EPB41L4A: variants seen among roughly 807,000 people sequenced by gnomAD.
EPB41L4A encodes the protein band 4.1-like protein 4A.
Under a neutral mutation model 108.6 loss-of-function variants are expected in EPB41L4A, and 100 were observed. That is an observed-to-expected ratio of 0.92 (90% CI 0.78 to 1.09). EPB41L4A has a LOEUF of 1.09. Ranked by LOEUF, EPB41L4A falls within the 50% of genes least tolerant of loss-of-function variation. The pLI is 0.00. For synonymous variants in EPB41L4A, 319 were observed against 289.0 expected, an observed-to-expected ratio of 1.10 and a Z score of -1.05; for missense variants, 1,030 against 842.7, an observed-to-expected ratio of 1.22 and a Z score of -2.75.
intron 1 of EPB41L4A, among the ~76,000 whole-genome samples, chr5:112,328,233 CA>C (rs1455365035): frequency 2.0e-5 from 3 of 152,028 alleles, no homozygotes; most frequent in African/African-American, 7.2e-5. Flanking sequence ...CACTTGAACC[CA>C]GGGGGCAGAG....
At chr5:112,268,601 G>C (rs551593774) in intron 4 of EPB41L4A, among the ~76,000 whole-genome samples, 1 of 152,116 alleles carries the variant, frequency 6.6e-6, no homozygotes, top group East Asian at 1.9e-4. Flanking sequence ...TGTAACCCCA[G>C]TATTTTGGGA....
intron 1 of EPB41L4A, among the ~76,000 whole-genome samples, chr5:112,367,378 C>A (rs1215148271): frequency 6.6e-6 from 1 of 152,196 alleles, no homozygotes; most frequent in African/African-American, 2.4e-5. Flanking sequence ...TCTCCAAGAC[C>A]TTTAATGAAG....
chr5:112,331,131 C>A (rs964591586), intron 1 of EPB41L4A, among the ~76,000 whole-genome samples: 1 of 152,176 alleles, frequency 6.6e-6, no homozygotes, highest in South Asian at 2.1e-4. Flanking sequence ...AATACTCACA[C>A]AAATTTGGAA....
At chr5:112,386,535 GTTTGT>G (rs1481963647) in intron 1 of EPB41L4A, among the ~76,000 whole-genome samples, 9 of 152,282 alleles carry the variant, frequency 5.9e-5, no homozygotes, top group African/African-American at 1.9e-4. Flanking sequence ...GAATATTTCA[GTTTGT>G]TTTAATTCAA....
intron 1 of EPB41L4A, among the ~76,000 whole-genome samples, chr5:112,356,631 C>T (rs1016316771): frequency 1.7e-4 from 26 of 152,340 alleles, no homozygotes; most frequent in Middle Eastern, 3.4e-3. Flanking sequence ...CAACTCTCCC[C>T]TCTGCCATAA....
At chr5:112,268,034 T>C (rs1561526414) in intron 4 of EPB41L4A, among the ~76,000 whole-genome samples, 1 of 152,188 alleles carries the variant, frequency 6.6e-6, no homozygotes, top group Non-Finnish European at 1.5e-5. Flanking sequence ...TGTGCTCCTC[T>C]TGGAAAGGAG....
At chr5:112,305,360 T>TG (rs1754620092) in intron 2 of EPB41L4A, among the ~76,000 whole-genome samples, 1 of 152,140 alleles carries the variant, frequency 6.6e-6, no homozygotes, top group South Asian at 2.1e-4. Flanking sequence ...GGTCCTCCAG[T>TG]GCAGACAACT....
intron 12 of EPB41L4A, among the ~76,000 whole-genome samples, chr5:112,232,831 C>G (rs1156638739): frequency 6.6e-6 from 1 of 152,194 alleles, no homozygotes; most frequent in African/African-American, 2.4e-5. Context: ...ATGGTATGTA[C>G]TCTTTCCCTT....
At chr5:112,300,300 C>A (rs1203442092) in intron 2 of EPB41L4A, among the ~76,000 whole-genome samples, 1 of 152,120 alleles carries the variant, frequency 6.6e-6, no homozygotes, top group African/African-American at 2.4e-5. Flanking sequence ...GGATTTGTTT[C>A]AAGATTTGGA....
intron 2 of EPB41L4A, among the ~76,000 whole-genome samples, chr5:112,290,149 T>C (rs1344594092): frequency 3.3e-5 from 5 of 150,658 alleles, no homozygotes; most frequent in Non-Finnish European, 7.4e-5. Flanking sequence ...TTTAGCATCA[T>C]TTTTCCATTT....
chr5:112,222,835 G>C (rs1017201328), intron 12 of EPB41L4A, among the ~76,000 whole-genome samples: 14 of 152,068 alleles, frequency 9.2e-5, no homozygotes, highest in Admixed American at 7.9e-4. Flanking sequence ...CAAGTCCACT[G>C]TTACAGAGGG....
chr5:112,266,062 T>A (rs570434880), intron 5 of EPB41L4A, among the ~76,000 whole-genome samples, 171 bp downstream of exon 5: 7 of 152,176 alleles, frequency 4.6e-5, no homozygotes, highest in Non-Finnish European at 8.8e-5. Flanking sequence ...AGGCTCCACT[T>A]TTACCTGTTC....
chr5:112,417,820 C>T (rs1762799854), intron 1 of EPB41L4A, among the ~76,000 whole-genome samples: 1 of 152,198 alleles, frequency 6.6e-6, no homozygotes, highest in South Asian at 2.1e-4. Flanking sequence ...AAAAGAATTA[C>T]ACCTATGAAA....
chr5:112,223,877 A>G (rs1450622106), intron 12 of EPB41L4A, among the ~76,000 whole-genome samples: 1 of 150,700 alleles, frequency 6.6e-6, no homozygotes, highest in East Asian at 1.9e-4. Flanking sequence ...GACTAAAAGA[A>G]TAATTTTTAA....
chr5:112,168,634 G>A (rs1760389780), intron 22 of EPB41L4A, 105 bp downstream of exon 22: 1 of 785,742 alleles, frequency 1.3e-6, no homozygotes, highest in African/African-American at 1.8e-5. Context: ...TGACATTAAG[G>A]TTTCATTGCC....
intron 17 of EPB41L4A, among the ~76,000 whole-genome samples, chr5:112,185,412 A>AAATG (rs1761379360): frequency 6.6e-6 from 1 of 152,244 alleles, no homozygotes; most frequent in Non-Finnish European, 1.5e-5. Flanking sequence ...GATGGGTGAC[A>AAATG]AATATTCATT....
At chr5:112,398,759 A>C (rs1761545040) in intron 1 of EPB41L4A, among the ~76,000 whole-genome samples, 1 of 152,098 alleles carries the variant, frequency 6.6e-6, no homozygotes, top group Non-Finnish European at 1.5e-5. Flanking sequence ...CTCAGGTATC[A>C]GATCAGCTAG....
chr5:112,359,679 T>C (rs1758591909), intron 1 of EPB41L4A, among the ~76,000 whole-genome samples: 1 of 152,108 alleles, frequency 6.6e-6, no homozygotes, highest in African/African-American at 2.4e-5. Flanking sequence ...TAGCTGGGAC[T>C]ACAGGCGCCT....
chr5:112,369,992 C>T (rs888384422), intron 1 of EPB41L4A, among the ~76,000 whole-genome samples: 3 of 152,166 alleles, frequency 2.0e-5, no homozygotes, highest in African/African-American at 7.2e-5. Context: ...TTTCTATACA[C>T]AACTGGCAAC....
Sources: allele counts gnomAD v4.1 joint callset (sites outside exome capture counted in the v4.1 genomes callset), GRCh38; gene constraint gnomAD v4.1.1; transcripts MANE v1.5; gene names NCBI Gene and HGNC (gene_info 2026-07-23, HGNC 2026-07-21).